Variants in TRHDE observed in about 807,000 individuals in gnomAD.
TRHDE encodes the protein thyrotropin-releasing hormone-degrading ectoenzyme.
A neutral mutation model predicts 125.7 loss-of-function variants in TRHDE; 72 were observed. That is an observed-to-expected ratio of 0.57 (90% confidence interval 0.47 to 0.70). The LOEUF (loss-of-function observed/expected upper bound fraction) is 0.70, where lower values mean the gene tolerates loss of function less well. Among genes scored for constraint, TRHDE ranks in the 30% least tolerant of loss-of-function variants. TRHDE has a pLI of 0.00. For missense variants in TRHDE, 1,110 were observed against 1,327.1 expected (o/e 0.84, Z 2.54); for synonymous variants, 509 against 509.1 (o/e 1.00, Z 0.00).
chr12:72,124,782 G>A (rs545824613), intron 2 of TRHDE, among the ~76,000 whole-genome samples: 113 of 152,250 alleles, frequency 7.4e-4, no homozygotes, highest in Non-Finnish European at 1.4e-3. Flanking sequence ...GGTGGCACAT[G>A]TCTGTAGTCC....
chr12:72,137,065 C>A (rs914000581), intron 2 of TRHDE, among the ~76,000 whole-genome samples: 1 of 152,136 alleles, frequency 6.6e-6, no homozygotes, highest in Non-Finnish European at 1.5e-5. Flanking sequence ...TCTCTGGGAA[C>A]GGTGCCCTTT....
chr12:72,446,309 G>A (rs1875281808), intron 3 of TRHDE, among the ~76,000 whole-genome samples: 1 of 151,718 alleles, frequency 6.6e-6, no homozygotes, highest in Admixed American at 6.6e-5. Flanking sequence ...CCTTCCCTCT[G>A]AGAGATTTTG....
At chr12:72,292,775 G>T (rs1880136500) in intron 2 of TRHDE, among the ~76,000 whole-genome samples, 1 of 152,176 alleles carries the variant, frequency 6.6e-6, no homozygotes, top group Non-Finnish European at 1.5e-5. Context: ...CATATTTCAA[G>T]GCTTTTGATA....
rs200824580 is a variant in TRHDE, at chr12:72,272,922, C to G, written c.279C>G (p.Leu93=). The G allele has an allele frequency of 6.3e-7, 1 of 1,578,562 alleles. No homozygotes were observed. Among genetic ancestry groups the G allele is most frequent in the African/African-American group, 1.3e-5 (1 of 74,632 alleles). ...TTGTGCTGGCCTTCGCTGTGTCCCT[C>G]GTGGCATTGCTCGCGGTCACAATGC... is the stretch of plus-strand genomic sequence containing the variant. The part of the protein sequence containing the change: ...KRLVLAFAVS[L]VALLAVTMLA... Residue 93 remains leucine, a synonymous_variant, in exon 1 of 19, where the codon CTC becomes CTG. Transcript: ENST00000261180. This position sits in a 1 kb window ranked among gnomAD's most constrained non-coding sequence, Gnocchi z 6.7.
chr12:72,555,684 G>T (rs564182606), intron 7 of TRHDE, among the ~76,000 whole-genome samples: 2 of 152,226 alleles, frequency 1.3e-5, no homozygotes, highest in South Asian at 2.1e-4. Flanking sequence ...TGTCACTGTT[G>T]TAGTCTCCTT....
intron 2 of TRHDE, among the ~76,000 whole-genome samples, chr12:72,182,229 T>C (rs1455187944): frequency 6.6e-6 from 1 of 152,166 alleles, no homozygotes; most frequent in Non-Finnish European, 1.5e-5. Context: ...CGAGTAACCT[T>C]ACCCTTTTGG....
intron 2 of TRHDE, chr12:72,255,434 G>A (rs532518847): frequency 6.6e-6 from 1 of 152,386 alleles, no homozygotes; most frequent in Admixed American, 6.5e-5. Context: ...AACAAAAGAA[G>A]CCTGTGATCC....
intron 3 of TRHDE, chr12:72,431,697 T>C (rs1874489576): frequency 6.6e-6 from 1 of 152,122 alleles, no homozygotes; most frequent in African/African-American, 2.4e-5. Flanking sequence ...CTTAGGCATA[T>C]ACTTCATGTA....
intron 2 of TRHDE, among the ~76,000 whole-genome samples, chr12:72,242,879 A>G (rs1878510275): frequency 6.6e-6 from 1 of 152,186 alleles, no homozygotes; most frequent in Non-Finnish European, 1.5e-5. Flanking sequence ...GTAACACCCC[A>G]TGTCCACTTC....
intron 2 of TRHDE, among the ~76,000 whole-genome samples, chr12:72,187,517 G>C (rs1877251323): frequency 6.7e-6 from 1 of 149,830 alleles, no homozygotes; most frequent in Non-Finnish European, 1.5e-5. Context: ...GGAGGAGGAG[G>C]AGGAGGAGGA....
chr12:72,574,278 G>A (rs1185764425), intron 10 of TRHDE, among the ~76,000 whole-genome samples: 1 of 152,010 alleles, frequency 6.6e-6, no homozygotes, highest in African/African-American at 2.4e-5. Context: ...CAGACCAGAA[G>A]CTTATGGTTT....
rs1034597503 is a variant in TRHDE, at chr12:72,521,708, A to G, written c.1723-20583A>G. 2.6e-5 allele frequency among the ~76,000 whole-genome samples: 4 copies of G among 152,166 alleles called. No homozygotes were observed. The South Asian group carries it at 6.2e-4, about 24-fold the overall frequency. On this transcript the variant is annotated intron_variant, in intron 6 of 18. Transcript: ENST00000261180. ...TCTGTGTTTTGCTTACATATTCCCC[A>G]AACTGTTTTCCAGCTCCACGATTTT... is the stretch of plus-strand genomic sequence containing the variant.
intron 3 of TRHDE, among the ~76,000 whole-genome samples, chr12:72,390,620 AT>A (rs1038627715): frequency 6.6e-6 from 1 of 151,988 alleles, no homozygotes; most frequent in African/African-American, 2.4e-5. Flanking sequence ...GTCAAAATAC[AT>A]TTTTTTCTTT....
chr12:72,584,532 G>C (rs1871364853), intron 12 of TRHDE, among the ~76,000 whole-genome samples: 1 of 151,936 alleles, frequency 6.6e-6, no homozygotes. Context: ...GAATCCTTTG[G>C]CCAATATCTT....
At position 72,521,564 on chromosome 12, in the gene TRHDE, A is replaced by G. The variant is rs116721768; in HGVS notation, c.1723-20727A>G. On this transcript the variant is annotated intron_variant, in intron 6 of 18. Transcript: ENST00000261180. ...TGCTGCCTCTCTGCTGTCATTTTAC[A>G]ATAGGATGCAGTTAGCTCAGTGCCA... Among the ~76,000 whole-genome samples, 632 of 152,302 alleles carry G rather than the reference A, an allele frequency of 4.1e-3. 2 individuals carry two copies. Among genetic ancestry groups the G allele is most frequent in the African/African-American group, 0.014 (578 of 41,564 alleles).
intron 2 of TRHDE, among the ~76,000 whole-genome samples, chr12:72,326,868 A>G (rs920852129): frequency 6.6e-6 from 1 of 152,168 alleles, no homozygotes; most frequent in Non-Finnish European, 1.5e-5. Context: ...TTTGACTTAA[A>G]TGGTGAACAC....
At position 72,134,369 on chromosome 12, in the gene TRHDE, C is replaced by T. The variant is rs371740946; in HGVS notation, n.279+28617C>T. Among the ~76,000 whole-genome samples, 46 of 151,968 alleles carry T rather than the reference C, an allele frequency of 3.0e-4. No homozygotes were observed. The East Asian group carries it at 3.1e-3, about 10-fold the overall frequency. The stretch of plus-strand genomic sequence containing the variant: ...GGAGGCAAGGGATTACAGAAGAAAA[C>T]GCGGGAAAGGAGCATAAGAAGTAGG... On this transcript the variant is annotated intron_variant and non_coding_transcript_variant, in intron 2 of 4. Coordinates refer to the TRHDE transcript ENST00000548156.
chr12:72,568,513 G>A, intron 9 of TRHDE, 55 bp from the exon 10 acceptor site: 1 of 1,335,850 alleles, frequency 7.5e-7, no homozygotes, highest in Admixed American at 1.9e-5. Flanking sequence ...AATGTTTTTT[G>A]TTTTTGTTTC....
chr12:72,250,010 T>C (rs551945527), intron 2 of TRHDE, among the ~76,000 whole-genome samples: 2 of 152,236 alleles, frequency 1.3e-5, no homozygotes, highest in South Asian at 4.1e-4. Context: ...TGCATAAATA[T>C]AAAAAATTAT....
Sources: gnomAD v4.1 joint callset for allele counts (sites outside exome capture counted in the v4.1 genomes callset) on GRCh38, gnomAD v4.1.1 for gene constraint, Gnocchi (gnomAD v3.1) non-coding constraint, MANE v1.5 for transcripts, NCBI Gene and HGNC (gene_info 2026-07-23, HGNC 2026-07-21) for gene names.